Variants in UBR3 observed in about 807,000 individuals in gnomAD.
The protein encoded by UBR3 is ubiquitin protein ligase E3 component n-recognin 3, also known as E3 ubiquitin-protein ligase UBR3.
UBR3 carries 85 observed loss-of-function variants against 243.2 expected under a neutral mutation model. The observed-to-expected ratio is 0.35, with a 90% CI of 0.29 to 0.42. The LOEUF (loss-of-function observed/expected upper bound fraction) is 0.42. Ranked by LOEUF, UBR3 falls within the 10% of genes least tolerant of loss-of-function variation. The pLI, the probability that UBR3 is intolerant of heterozygous loss-of-function variation, is 1.00. For missense variants in UBR3, 1,686 were observed against 2,300.8 expected, an observed-to-expected ratio of 0.73 and a Z score of 5.47; for synonymous variants, 748 against 799.8, an observed-to-expected ratio of 0.94 and a Z score of 1.09.
intron 8 of UBR3, among the ~76,000 whole-genome samples, chr2:169,901,691 A>G (rs1286176383): frequency 6.6e-6 from 1 of 152,240 alleles, no homozygotes; most frequent in African/African-American, 2.4e-5. Context: ...GCGATAGCTG[A>G]AGACTAAAGG....
chr2:170,043,325 G>A (rs576909538), intron 32 of UBR3, among the ~76,000 whole-genome samples: 10 of 152,240 alleles, frequency 6.6e-5, no homozygotes, highest in South Asian at 4.2e-4. Context: ...CATCACCCTC[G>A]TTGTCAGAAG....
intron 24 of UBR3, among the ~76,000 whole-genome samples, chr2:169,962,761 T>C (rs2087638352): frequency 6.6e-6 from 1 of 152,148 alleles, no homozygotes; most frequent in South Asian, 2.1e-4. Context: ...TTTTTTTCTT[T>C]ATCTGTTTTT....
intron 5 of UBR3, among the ~76,000 whole-genome samples, chr2:169,890,563 A>ATATATATATATATATATATATGTGTG (rs1255881148): frequency 4.8e-5 from 4 of 83,886 alleles, no homozygotes; most frequent in African/African-American, 1.0e-4. Context: ...ATATATATAT[A>ATATATATATATATATATATATGTGTG]TGTGTATATA....
At chr2:169,916,531 T>C (rs912801431) in intron 11 of UBR3, among the ~76,000 whole-genome samples, 2 of 152,096 alleles carry the variant, frequency 1.3e-5, no homozygotes, top group African/African-American at 4.8e-5. Context: ...GGAGAAGCCC[T>C]GTTCACCCTC....
At chr2:169,889,109 C>T (rs2084227112) in intron 5 of UBR3, among the ~76,000 whole-genome samples, 1 of 152,044 alleles carries the variant, frequency 6.6e-6, no homozygotes, top group African/African-American at 2.4e-5. Context: ...ACCTATTTTC[C>T]CACCAGCTCA....
chr2:169,836,043 C>CTCTCTA (rs2082090452), intron 1 of UBR3, among the ~76,000 whole-genome samples: 1 of 8,052 alleles, frequency 1.2e-4, no homozygotes, highest in African/African-American at 4.3e-4. Flanking sequence ...CTCTCTCTCT[C>CTCTCTA]TATATATATA....
Position 169,878,517 on chromosome 2 carries a change from C to A in UBR3, c.989-8C>A, listed in dbSNP as rs1175149835. ...ATGAAGGACAACTATTTTTCTTCTCCTCCAAAGGTTTCATAGGCGCAACAG... is the reference window on the plus strand; with the variant it reads ...ATGAAGGACAACTATTTTTCTTCTCATCCAAAGGTTTCATAGGCGCAACAG... On this transcript the variant is annotated splice_region_variant and splice_polypyrimidine_tract_variant and intron_variant, in intron 4 of 38. Coordinates refer to ENST00000272793, the MANE Select transcript of UBR3 (RefSeq NM_172070.4). The A allele has an allele frequency of 6.4e-7, 1 of 1,550,558 alleles. No homozygotes were observed. The highest frequency in any genetic ancestry group is 8.7e-7 in the Non-Finnish European group (1 of 1,146,288).
intron 19 of UBR3, among the ~76,000 whole-genome samples, chr2:169,937,446 A>G (rs1440125073): frequency 6.6e-6 from 1 of 152,120 alleles, no homozygotes; most frequent in African/African-American, 2.4e-5. Context: ...ATTTTCTCCC[A>G]TTCTGTAAGT....
intron 1 of UBR3, among the ~76,000 whole-genome samples, chr2:169,828,810 G>T (rs539850049): frequency 2.0e-5 from 3 of 152,318 alleles, no homozygotes; most frequent in African/African-American, 7.2e-5. Flanking sequence ...AGGGCACTTT[G>T]TTCACTCACT....
At chr2:169,999,335 A>G (rs1005676797) in intron 26 of UBR3, among the ~76,000 whole-genome samples, 1 of 152,144 alleles carries the variant, frequency 6.6e-6, no homozygotes, top group African/African-American at 2.4e-5. Context: ...CACCAGCTGT[A>G]TTTGATTTAT....
Position 169,905,126 on chromosome 2 carries a change from G to C in UBR3, c.1478G>C (p.Ser493Thr). 6.8e-7 allele frequency: 1 copy of C among 1,471,464 alleles called. No homozygotes were observed. The allele number at this position is 1,471,464 out of a possible 1,614,324, so 91.2% of individuals were successfully genotyped here. A position where few individuals can be genotyped will look rare whatever the true frequency, so the allele number is the denominator to read the frequency against. ...IKSELQDEEN[S>T]LHVVVNCGEA... is the part of the protein sequence containing the mutation. ...TGTCTTTTTTTAGATGAAGAAAATAGTTTACATGTGGTAGTGAACTGTGGA... is the reference window on the plus strand; with the variant it reads ...TGTCTTTTTTTAGATGAAGAAAATACTTTACATGTGGTAGTGAACTGTGGA... The change falls in exon 9 of 39, where the codon AGT (serine) becomes ACT (threonine). Residue 493 changes from serine (S) to threonine (T), a missense_variant. Physicochemically the swap from Ser to Thr is moderately conservative, Grantham distance 58. This residue lies in a region of UBR3 where 346 missense variants were observed against 585.8 expected (regional missense o/e 0.59). Coordinates refer to ENST00000272793, the MANE Select transcript of UBR3 (RefSeq NM_172070.4).
chr2:170,061,779 TATA>T (rs754434132), intron 35 of UBR3, among the ~76,000 whole-genome samples: 2 of 152,204 alleles, frequency 1.3e-5, no homozygotes, highest in South Asian at 2.1e-4. Flanking sequence ...GCCTTGTTTT[TATA>T]ATAAGCTATT....
At chr2:169,977,594 G>A (rs904652619) in intron 24 of UBR3, among the ~76,000 whole-genome samples, 23 of 152,184 alleles carry the variant, frequency 1.5e-4, no homozygotes, top group Non-Finnish European at 2.8e-4. Context: ...GTTCTGCTCT[G>A]GGAGGGAGAG....
At chr2:170,078,192 G>A (rs895401172) in intron 36 of UBR3, 5 of 536,170 alleles carry the variant, frequency 9.3e-6, no homozygotes, top group Non-Finnish European at 1.8e-5. Context: ...TTCTTTGAAT[G>A]TTCATAAGCC....
intron 8 of UBR3, among the ~76,000 whole-genome samples, chr2:169,899,656 C>T (rs1048997214): frequency 3.9e-5 from 6 of 152,074 alleles, no homozygotes; most frequent in Non-Finnish European, 5.9e-5. Flanking sequence ...TGTTCCTCCC[C>T]CCGCCCCTTG....
At chr2:169,986,893 T>A in intron 25 of UBR3, 99 bp downstream of exon 25, 1 of 1,277,684 alleles carries the variant, frequency 7.8e-7, no homozygotes, top group Non-Finnish European at 1.1e-6. Context: ...TATCTTTGTC[T>A]ACTTATAACT....
intron 16 of UBR3, 84 bp from the exon 17 acceptor site, chr2:169,927,236 C>A (rs1266721817): frequency 1.3e-5 from 16 of 1,243,312 alleles, no homozygotes; most frequent in Non-Finnish European, 1.8e-5. Context: ...TTTGGTAAAA[C>A]AGCTTAGTAA....
intron 18 of UBR3, among the ~76,000 whole-genome samples, chr2:169,932,649 A>C (rs934557364): frequency 2.6e-5 from 4 of 152,166 alleles, no homozygotes; most frequent in African/African-American, 9.7e-5. Flanking sequence ...CAATGAAGTA[A>C]ACTTTTCTGG....
intron 11 of UBR3, among the ~76,000 whole-genome samples, chr2:169,921,982 C>T (rs1006421417): frequency 2.6e-5 from 4 of 151,520 alleles, no homozygotes; most frequent in Non-Finnish European, 5.9e-5. Context: ...CAGTGCGAGA[C>T]TCAAAAAAAG....
Sources: gnomAD v4.1 joint callset for allele counts (sites outside exome capture counted in the v4.1 genomes callset) on GRCh38, gnomAD v4.1.1 for gene constraint, gnomAD v4.1.1 regional missense constraint, MANE v1.5 for transcripts, NCBI Gene and HGNC (gene_info 2026-07-23, HGNC 2026-07-21) for gene names.